GPS1: variants seen among roughly 807,000 people sequenced by gnomAD.
The protein encoded by GPS1 is G protein pathway suppressor 1, also known as COP9 signalosome complex subunit 1.
In GPS1, 11 loss-of-function variants were observed where a neutral mutation model predicts 60.0. The ratio of observed to expected loss-of-function variants is 0.18; its 90% CI spans 0.12 to 0.30. GPS1 has a LOEUF of 0.30. GPS1 is among the 10% of genes least tolerant of loss of function. The probability of loss-of-function intolerance (pLI) is 1.00; values close to 1 mark genes in which losing one functional copy is unlikely to be tolerated. For missense variants in GPS1, 543 were observed against 669.2 expected (o/e 0.81, Z 2.08); for synonymous variants, 343 against 269.8 (o/e 1.27, Z -2.66).
At chr17:82,051,229 G>A, upstream of GPS1, 2 of 1,319,104 alleles carry the variant, frequency 1.5e-6, no homozygotes, top group Non-Finnish European at 9.7e-7. This position sits in a 1 kb window ranked among gnomAD's most constrained non-coding sequence, Gnocchi z 4.1. Context: ...AAGGGGCCGT[G>A]GCTTCGGAGC....
Position 82,056,766 on chromosome 17 carries a change from G to A in GPS1, c.1254G>A (p.Lys418=). 6.3e-7 allele frequency: 1 copy of A among 1,595,466 alleles called. No homozygotes were observed. The highest frequency in any genetic ancestry group is 8.5e-7 in the Non-Finnish European group (1 of 1,170,092). Residue 418 remains lysine (K), a splice_region_variant and synonymous_variant, in exon 11 of 13, where the codon AAG becomes AAA. Coordinates refer to ENST00000578552, the MANE Select transcript of GPS1 (RefSeq NM_001321092.3). ...LISARVDSHS[K]ILYARDVDQR... ...GTGCCCGTGTGGACTCACACAGCAA[G>A]GTGGCTGTGGGCTGCGGGGCGGTGG...
rs763003419 is a variant in GPS1, at chr17:82,056,732, G to A, written c.1220G>A (p.Gly407Glu). Residue 407 changes from glycine to glutamate, a missense_variant, in exon 11 of 13, where the codon GGG (glycine) becomes GAG (glutamate). Gly to Glu is a moderately conservative substitution (Grantham distance 98). Transcript: ENST00000578552. ...EDELTQLILEGLISARVDSHS... is the reference protein window; with the variant it reads ...EDELTQLILEELISARVDSHS... The stretch of plus-strand genomic sequence containing the variant: ...GAGCTGACGCAGCTAATCCTGGAGG[G>A]GCTGATCAGTGCCCGTGTGGACTCA... 4.4e-6 allele frequency: 7 copies of A among 1,587,168 alleles called. No individual in the cohort carries two copies. The Admixed American group carries it at 6.9e-5, about 16-fold the overall frequency.
In GPS1 at chr17:82,055,744, G is replaced by A. The variant is rs766359912; in HGVS notation, c.753G>A (p.Leu251=). 6.5e-7 allele frequency: 1 copy of A among 1,531,442 alleles called. No individual in the cohort carries two copies. The highest frequency in any genetic ancestry group is 1.2e-5 in the South Asian group (1 of 83,994). 94.9% of individuals were successfully genotyped at this position (1,531,442 alleles called of 1,614,324 possible). A position where few individuals can be genotyped will look rare whatever the true frequency, so the allele number is the denominator to read the frequency against. The change falls in exon 7 of 13, where the codon TTG becomes TTA. Residue 251 remains leucine (L), a synonymous_variant. Coordinates refer to ENST00000578552, the MANE Select transcript of GPS1 (RefSeq NM_001321092.3). Reference sequence around the variant, plus strand: ...GCCCCCGGCTCCTTCCACTAGGCTTGGCAGAGCTGGCCGCCAGGAAGTACA... The same window carrying A: ...GCCCCCGGCTCCTTCCACTAGGCTTAGCAGAGCTGGCCGCCAGGAAGTACA... The part of the protein sequence containing the change: ...ILTKLKCAAG[L]AELAARKYKQ...
rs779697210 is a variant in GPS1 at position 82,053,324 on chromosome 17, G to C, written c.84G>C (p.Gln28His). The C allele has an allele frequency of 1.3e-6, 2 of 1,544,840 alleles. No individual in the cohort carries two copies. Among genetic ancestry groups the C allele is most frequent in the African/African-American group, 1.4e-5 (1 of 69,996 alleles). ...QIDVDPQEDP[Q>H]NAPDVNYVVE... ...ACGTGGACCCCCAGGAAGACCCGCAGAATGCACCTGACGTCAACTACGTGG... is the reference window on the plus strand; with the variant it reads ...ACGTGGACCCCCAGGAAGACCCGCACAATGCACCTGACGTCAACTACGTGG... Residue 28 changes from glutamine (Q) to histidine (H), a missense_variant, in exon 2 of 13, where the codon CAG (glutamine) becomes CAC (histidine). Gln to His is a conservative substitution (Grantham distance 24). Coordinates refer to ENST00000578552, the MANE Select transcript of GPS1 (RefSeq NM_001321092.3).
At chr17:82,052,339 C>T (rs767267218) in intron 1 of GPS1, 15 of 1,612,864 alleles carry the variant, frequency 9.3e-6, no homozygotes, top group African/African-American at 5.3e-5. Flanking sequence ...GCTCGGCCTC[C>T]TCGTCAGTGA....
At chr17:82,052,571 C>G (rs2031106777) in intron 1 of GPS1, 1 of 1,313,426 alleles carries the variant, frequency 7.6e-7, no homozygotes, top group African/African-American at 1.5e-5. Context: ...GGACTCAGTG[C>G]CAAGCGCAGG....
intron 2 of GPS1, chr17:82,053,644 C>T (rs1397135618): frequency 1.2e-5 from 7 of 563,644 alleles, no homozygotes; most frequent in Admixed American, 3.4e-5. Flanking sequence ...CGAAAGCCCC[C>T]GGGTGCAGGG....
Position 82,054,648 on chromosome 17 carries a change from G to A in GPS1, c.447G>A (p.Lys149=), listed in dbSNP as rs758597336. 1.2e-6 allele frequency: 2 copies of A among 1,610,696 alleles called. No homozygotes were observed. Among genetic ancestry groups the A allele is most frequent in the South Asian group, 1.1e-5 (1 of 91,034 alleles). The change falls in exon 4 of 13, where the codon AAG becomes AAA. Residue 149 remains lysine, a synonymous_variant. Coordinates refer to ENST00000578552, the MANE Select transcript of GPS1 (RefSeq NM_001321092.3). ...EKLDTDLKNY[K]GNSIKESIRR... Reference sequence around the variant, plus strand: ...TGGACACAGACCTGAAGAACTACAAGGGCAACTCCATCAAAGAGAGCATCC... The same window carrying A: ...TGGACACAGACCTGAAGAACTACAAAGGCAACTCCATCAAAGAGAGCATCC...
intron 6 of GPS1, 33 bp from the exon 7 acceptor site, chr17:82,055,707 T>TCCCCCCTCC: frequency 9.6e-7 from 1 of 1,038,626 alleles, no homozygotes; most frequent in South Asian, 1.4e-5. Context: ...TTACCCCCTC[T>TCCCCCCTCC]CCCCCCTCCC....
Position 82,054,673 on chromosome 17 carries a change from C to T in GPS1, c.472C>T (p.Arg158Trp), listed in dbSNP as rs754578240. The T allele has an allele frequency of 5.0e-6, 8 of 1,611,400 alleles. No homozygotes were observed. The highest frequency in any genetic ancestry group is 2.2e-5 in the East Asian group (1 of 44,870). Residue 158 changes from arginine to tryptophan, a missense_variant, in exon 4 of 13, where the codon CGG (arginine) becomes TGG (tryptophan). Transcript: ENST00000578552. The stretch of plus-strand genomic sequence containing the variant: ...GGGCAACTCCATCAAAGAGAGCATC[C>T]GGCGCGGCCACGACGACCTGGGCGA... ...YKGNSIKESI[R>W]RGHDDLGDHY...
intron 5 of GPS1, 79 bp from the exon 6 acceptor site, chr17:82,055,083 C>T (rs1223152051): frequency 2.5e-6 from 4 of 1,572,406 alleles, no homozygotes; most frequent in African/African-American, 2.7e-5. Flanking sequence ...TGCCTTCATC[C>T]CCTCTCAGTC....
At chr17:82,055,336 C>G in intron 6 of GPS1, 114 bp downstream of exon 6, 2 of 1,102,076 alleles carry the variant, frequency 1.8e-6, no homozygotes, top group Non-Finnish European at 2.7e-6. Flanking sequence ...CCTGGCAGGG[C>G]GCAGGATGTT....
upstream of GPS1, chr17:82,051,592 C>T (rs1240906984): frequency 3.1e-6 from 4 of 1,300,212 alleles, no homozygotes; most frequent in Non-Finnish European, 2.9e-6. This position sits in a 1 kb window ranked among gnomAD's most constrained non-coding sequence, Gnocchi z 4.1. Context: ...ATGAAGACGT[C>T]GTCAGGCCGC....
chr17:82,050,945 G>A (rs2030447697), upstream of GPS1: 1 of 1,422,222 alleles, frequency 7.0e-7, no homozygotes, highest in Non-Finnish European at 9.2e-7. Context: ...TGCCACCGAG[G>A]CTGAAGCAGG....
intron 1 of GPS1, chr17:82,052,974 T>G: frequency 3.7e-6 from 1 of 267,114 alleles, no homozygotes; most frequent in Non-Finnish European, 7.1e-6. Flanking sequence ...CCCTGTGTAG[T>G]TGGTTGTCCC....
Position 82,054,818 on chromosome 17 carries a change from T to C in GPS1, c.609+8T>C. 1 of 1,588,180 alleles carries C rather than the reference T, an allele frequency of 6.3e-7. No homozygotes were observed. The highest frequency in any genetic ancestry group is 8.6e-7 in the Non-Finnish European group (1 of 1,164,828). ...TGCCTCAATGTCATCAAGGTCGGCC[T>C]GCCTCGGCGGGCGGGGGTGGGCAGC... On this transcript the variant is annotated splice_region_variant and intron_variant, in intron 4 of 12. Transcript: ENST00000578552.
At chr17:82,055,342 ATGT>A (rs2032318368) in intron 6 of GPS1, 120 bp downstream of exon 6, 1 of 1,043,860 alleles carries the variant, frequency 9.6e-7, no homozygotes, top group Non-Finnish European at 1.5e-6. Context: ...AGGGCGCAGG[ATGT>A]TGTGGGCACA....
At chr17:82,052,406 G>T (rs761415005) in intron 1 of GPS1, 1 of 1,611,674 alleles carries the variant, frequency 6.2e-7, no homozygotes, top group Admixed American at 1.7e-5. Context: ...GCCCGGCACG[G>T]CCGGGGACTT....
At chr17:82,053,756 C>T in intron 2 of GPS1, 112 bp from the exon 3 acceptor site, 2 of 1,094,080 alleles carry the variant, frequency 1.8e-6, no homozygotes, top group East Asian at 5.1e-5. Flanking sequence ...TGGTTATGGG[C>T]CCAGGGCGAC....
Sources: allele counts gnomAD v4.1 joint callset, GRCh38; gene constraint gnomAD v4.1.1; non-coding constraint Gnocchi (gnomAD v3.1); transcripts MANE v1.5; gene names NCBI Gene and HGNC (gene_info 2026-07-23, HGNC 2026-07-21).